The following WDFY3 variants were observed in gnomAD, a reference collection of about 807,000 sequenced individuals.
WDFY3 encodes WD repeat and FYVE domain containing 3, also known as WD repeat and FYVE domain-containing protein 3.
WDFY3 carries 66 observed loss-of-function variants against 409.6 expected under a neutral mutation model. The ratio of observed to expected loss-of-function variants is 0.16; its 90% CI spans 0.13 to 0.20. WDFY3 has a LOEUF of 0.20. WDFY3 is among the 10% of genes least tolerant of loss of function. WDFY3 has a pLI of 1.00. For synonymous variants in WDFY3, 1,521 were observed against 1,537.1 expected (o/e 0.99, Z 0.25); for missense variants, 3,031 against 4,298.1 (o/e 0.71, Z 8.24).
intron 49 of WDFY3, among the ~76,000 whole-genome samples, chr4:84,716,571 C>T (rs879701716): frequency 9.9e-5 from 15 of 151,210 alleles, no homozygotes; most frequent in East Asian, 2.0e-4. Context: ...CCAAGGCGGG[C>T]GGATCATGAG....
At chr4:84,770,220 G>A (rs1286042261) in intron 30 of WDFY3, among the ~76,000 whole-genome samples, 2 of 151,300 alleles carry the variant, frequency 1.3e-5, no homozygotes, top group Admixed American at 1.3e-4. Flanking sequence ...TAGTAGAGAC[G>A]GGTTTCACCA....
At chr4:84,842,402 A>C (rs1757490198) in intron 5 of WDFY3, among the ~76,000 whole-genome samples, 1 of 151,764 alleles carries the variant, frequency 6.6e-6, no homozygotes, top group Non-Finnish European at 1.5e-5. Context: ...ACTTGTACCC[A>C]GGAGGTGGAG....
chr4:84,815,035 G>C (rs1195037485), intron 13 of WDFY3, among the ~76,000 whole-genome samples: 2 of 151,984 alleles, frequency 1.3e-5, no homozygotes, highest in Admixed American at 6.6e-5. Flanking sequence ...TTTTTCTCTT[G>C]TTAATTTGTC....
At chr4:84,823,066 T>A (rs77708615) in intron 10 of WDFY3, among the ~76,000 whole-genome samples, 1 of 152,076 alleles carries the variant, frequency 6.6e-6, no homozygotes, top group Non-Finnish European at 1.5e-5. Flanking sequence ...AGAACAAAAC[T>A]GGACAACTTA....
At chr4:84,850,333 G>GA (rs1355202789) in intron 4 of WDFY3, among the ~76,000 whole-genome samples, 1 of 148,852 alleles carries the variant, frequency 6.7e-6, no homozygotes, top group African/African-American at 2.5e-5. Flanking sequence ...CTTTTTTTTT[G>GA]GGGGGGACAG....
At chr4:84,804,823 T>C (rs984572983) in intron 15 of WDFY3, among the ~76,000 whole-genome samples, 1 of 152,252 alleles carries the variant, frequency 6.6e-6, no homozygotes, top group African/African-American at 2.4e-5. Flanking sequence ...TGTCTTATTT[T>C]AGTTATAGGC....
intron 3 of WDFY3, among the ~76,000 whole-genome samples, chr4:84,893,738 A>G (rs1024953791): frequency 6.6e-6 from 1 of 152,168 alleles, no homozygotes; most frequent in Non-Finnish European, 1.5e-5. Context: ...TGTAATTCCA[A>G]AACTTTGGGA....
chr4:84,913,044 A>C (rs1396785097), intron 2 of WDFY3, among the ~76,000 whole-genome samples: 1 of 152,186 alleles, frequency 6.6e-6, no homozygotes, highest in Non-Finnish European at 1.5e-5. Context: ...TGCCAGTAAG[A>C]GACTGCCTTT....
chr4:84,790,904 C>T (rs1326406298), intron 21 of WDFY3, among the ~76,000 whole-genome samples: 2 of 151,898 alleles, frequency 1.3e-5, no homozygotes, highest in Non-Finnish European at 2.9e-5. Flanking sequence ...AGCACAATGG[C>T]ATATCACCTC....
At chr4:84,701,737 T>C (rs548685130) in intron 56 of WDFY3, among the ~76,000 whole-genome samples, 3 of 152,324 alleles carry the variant, frequency 2.0e-5, no homozygotes, top group East Asian at 3.9e-4. Context: ...TTTTTATAAA[T>C]GCTGATTTGG....
At chr4:84,715,585 T>A (rs569246629) in intron 49 of WDFY3, among the ~76,000 whole-genome samples, 1 of 151,870 alleles carries the variant, frequency 6.6e-6, no homozygotes, top group Non-Finnish European at 1.5e-5. Flanking sequence ...CCATCCTGGC[T>A]AACACAGTGA....
intron 22 of WDFY3, among the ~76,000 whole-genome samples, chr4:84,789,190 CTCT>C (rs1748052438): frequency 6.6e-6 from 1 of 152,168 alleles, no homozygotes; most frequent in African/African-American, 2.4e-5. Flanking sequence ...TGATAATCAA[CTCT>C]TTTTTTCTAT....
chr4:84,948,860 G>A (rs955706765), intron 1 of WDFY3, among the ~76,000 whole-genome samples: 1 of 152,094 alleles, frequency 6.6e-6, no homozygotes, highest in Non-Finnish European at 1.5e-5. Context: ...CCCACAGACA[G>A]AATTATCTGG....
chr4:84,925,032 G>A (rs1403769163), intron 2 of WDFY3, among the ~76,000 whole-genome samples: 1 of 152,140 alleles, frequency 6.6e-6, no homozygotes, highest in African/African-American at 2.4e-5. Flanking sequence ...GCTCAGAAGA[G>A]AAAATCTAAA....
chr4:84,726,873 A>G lies in WDFY3; in HGVS notation c.7260T>C (p.Asp2420=), dbSNP rs1373249759. ...IPSKQPETPD[D]IPQKKPARYR... is the part of the protein sequence containing the mutation. ...ATTTGTGTTTTACCTTTTGAGGAATATCATCGGGTGTCTCAGGCTGTTTAC... is the reference window on the plus strand; with the variant it reads ...ATTTGTGTTTTACCTTTTGAGGAATGTCATCGGGTGTCTCAGGCTGTTTAC... Residue 2420 remains aspartate, a synonymous_variant, in exon 45 of 68, where the codon GAT becomes GAC. Transcript: ENST00000295888. 1 of 1,608,830 alleles carries G rather than the reference A, an allele frequency of 6.2e-7. No individual in the cohort carries two copies. The highest frequency in any genetic ancestry group is 1.1e-5 in the South Asian group (1 of 89,562).
chr4:84,917,307 T>C (rs1055162423), intron 2 of WDFY3, among the ~76,000 whole-genome samples: 8 of 152,198 alleles, frequency 5.3e-5, no homozygotes, highest in African/African-American at 9.6e-5. Flanking sequence ...CGGAGGCCAG[T>C]TGGCCAAAGC....
Position 84,917,573 on chromosome 4 carries a change from G to T in WDFY3, c.-132+14697C>A, listed in dbSNP as rs147130450. Among the ~76,000 whole-genome samples the T allele has an allele frequency of 4.6e-5, 7 of 152,154 alleles. No homozygotes were observed. In the East Asian group the frequency reaches 1.4e-3, roughly 29 times the overall value. On this transcript the variant is annotated intron_variant, in intron 2 of 67. Coordinates refer to ENST00000295888, the MANE Select transcript of WDFY3 (RefSeq NM_014991.6). ...CAGGCTTTACAATGTAAGACTGCAGGACAAGGATAAATAGAGCATCTGGTA... is the reference window on the plus strand; with the variant it reads ...CAGGCTTTACAATGTAAGACTGCAGTACAAGGATAAATAGAGCATCTGGTA...
intron 32 of WDFY3, among the ~76,000 whole-genome samples, chr4:84,757,721 G>A (rs757419880): frequency 1.3e-5 from 2 of 152,146 alleles, no homozygotes; most frequent in African/African-American, 2.4e-5. Context: ...TGGGACTACA[G>A]ACATGAGCTA....
intron 10 of WDFY3, among the ~76,000 whole-genome samples, chr4:84,823,773 C>T (rs975524015): frequency 2.0e-5 from 3 of 152,210 alleles, no homozygotes; most frequent in Admixed American, 6.5e-5. Context: ...ACTAACAATA[C>T]CAAGTGTTAC....
Sources: gnomAD v4.1 joint callset for allele counts (sites outside exome capture counted in the v4.1 genomes callset) on GRCh38, gnomAD v4.1.1 for gene constraint, MANE v1.5 for transcripts, NCBI Gene and HGNC (gene_info 2026-07-23, HGNC 2026-07-21) for gene names.